The following GRID2 variants were observed in gnomAD, a reference collection of about 807,000 sequenced individuals.
GRID2 encodes glutamate ionotropic receptor delta type subunit 2, also known as glutamate receptor ionotropic, delta-2.
In GRID2, 33 loss-of-function variants were observed where a neutral mutation model predicts 114.8. The observed-to-expected ratio is 0.29, with a 90% CI of 0.22 to 0.38. The LOEUF (loss-of-function observed/expected upper bound fraction) is 0.38, where lower values mean the gene tolerates loss of function less well. Ranked by LOEUF, GRID2 falls within the 10% of genes least tolerant of loss-of-function variation. The pLI is 1.00. For synonymous variants in GRID2, 505 were observed against 449.9 expected (o/e 1.12, Z -1.55); for missense variants, 1,184 against 1,257.7 (o/e 0.94, Z 0.89).
chr4:92,746,637 C>G (rs1450652833), intron 2 of GRID2, among the ~76,000 whole-genome samples: 2 of 152,088 alleles, frequency 1.3e-5, no homozygotes, highest in Non-Finnish European at 2.9e-5. Flanking sequence ...TTCATGTCAT[C>G]TCTTTACGTA....
chr4:92,758,753 T>A (rs1043824787), intron 2 of GRID2, among the ~76,000 whole-genome samples: 4 of 152,158 alleles, frequency 2.6e-5, no homozygotes, highest in Non-Finnish European at 5.9e-5. Context: ...TGTTTGTTTG[T>A]TTTACATTTT....
At chr4:92,310,160 G>T (rs1429008277) in intron 1 of GRID2, among the ~76,000 whole-genome samples, 2 of 151,900 alleles carry the variant, frequency 1.3e-5, no homozygotes, top group Admixed American at 6.6e-5. Context: ...ATCACTACAA[G>T]TACCACAATT....
intron 12 of GRID2, among the ~76,000 whole-genome samples, chr4:93,511,838 G>A (rs1371999811): frequency 1.3e-5 from 2 of 149,102 alleles, no homozygotes. Context: ...AGGCTAGAGT[G>A]CAATGGTGCA....
At position 92,350,587 on chromosome 4, in the gene GRID2, C is replaced by T. The variant is rs545464946; in HGVS notation, c.88+45843C>T. On this transcript the variant is annotated intron_variant, in intron 1 of 15. Coordinates refer to ENST00000282020, the MANE Select transcript of GRID2 (RefSeq NM_001510.4). ...CTGTTACTTTTTATTTGTTTGTTGACGTTTAAAATTTCCTTCCTTCTTCCC... is the reference window on the plus strand; with the variant it reads ...CTGTTACTTTTTATTTGTTTGTTGATGTTTAAAATTTCCTTCCTTCTTCCC... 4.0e-5 allele frequency among the ~76,000 whole-genome samples: 6 copies of T among 151,672 alleles called. No individual in the cohort carries two copies. The South Asian group carries it at 6.2e-4, about 16-fold the overall frequency.
intron 13 of GRID2, among the ~76,000 whole-genome samples, chr4:93,565,946 G>A (rs1470621241): frequency 1.3e-5 from 2 of 152,088 alleles, no homozygotes; most frequent in Non-Finnish European, 2.9e-5. Flanking sequence ...GAAAACTTTG[G>A]TGGCTTAACC....
intron 2 of GRID2, among the ~76,000 whole-genome samples, chr4:93,027,477 C>G (rs929608178): frequency 2.0e-5 from 3 of 151,966 alleles, no homozygotes; most frequent in Non-Finnish European, 4.4e-5. Flanking sequence ...TACTAAGAAG[C>G]CTTGTATTGC....
intron 2 of GRID2, among the ~76,000 whole-genome samples, chr4:92,902,608 G>GTAT (rs1305515542): frequency 1.3e-5 from 2 of 151,980 alleles, no homozygotes; most frequent in Non-Finnish European, 2.9e-5. Flanking sequence ...TTCTTTTCTA[G>GTAT]TATTTTTATA....
chr4:92,891,743 C>T (rs1030735357), intron 2 of GRID2, among the ~76,000 whole-genome samples: 1 of 152,092 alleles, frequency 6.6e-6, no homozygotes, highest in African/African-American at 2.4e-5. Flanking sequence ...ATTGTTACAT[C>T]GGCATCATAA....
At chr4:92,974,379 C>A (rs1450102742) in intron 2 of GRID2, among the ~76,000 whole-genome samples, 2 of 152,072 alleles carry the variant, frequency 1.3e-5, no homozygotes. Context: ...GATAAAGACA[C>A]ATGTACATGT....
intron 4 of GRID2, among the ~76,000 whole-genome samples, chr4:93,169,143 T>C (rs951500479): frequency 2.2e-5 from 3 of 138,106 alleles, no homozygotes; most frequent in Admixed American, 7.4e-5. Context: ...CACAATGAAA[T>C]ACACACACAC....
At chr4:92,471,307 C>G (rs1177558150) in intron 1 of GRID2, among the ~76,000 whole-genome samples, 1 of 152,020 alleles carries the variant, frequency 6.6e-6, no homozygotes, top group Non-Finnish European at 1.5e-5. Context: ...AATACTAATA[C>G]TATATAATGT....
chr4:93,713,558 G>A (rs763002338), intron 14 of GRID2, among the ~76,000 whole-genome samples: 3 of 151,794 alleles, frequency 2.0e-5, no homozygotes, highest in Admixed American at 2.0e-4. Context: ...TGCACTGATT[G>A]CGCTTATATT....
chr4:92,916,149 A>T (rs556236332), intron 2 of GRID2, among the ~76,000 whole-genome samples: 1 of 152,048 alleles, frequency 6.6e-6, no homozygotes, highest in Non-Finnish European at 1.5e-5. Context: ...TCCTGTGCCT[A>T]TGTCCTAAAT....
chr4:93,387,391 A>G (rs1160732094), intron 8 of GRID2, among the ~76,000 whole-genome samples: 3 of 152,112 alleles, frequency 2.0e-5, no homozygotes, highest in African/African-American at 4.8e-5. Context: ...GGTCTTTACT[A>G]TACAGAGTTT....
chr4:92,429,094 G>T (rs965593983), intron 1 of GRID2, among the ~76,000 whole-genome samples: 2 of 152,024 alleles, frequency 1.3e-5, no homozygotes, highest in African/African-American at 4.8e-5. Context: ...TCCCACTTAT[G>T]AATGAGAACA....
chr4:92,511,518 A>C (rs1403914885), intron 1 of GRID2, among the ~76,000 whole-genome samples: 1 of 151,886 alleles, frequency 6.6e-6, no homozygotes, highest in Non-Finnish European at 1.5e-5. Flanking sequence ...CTAAACTATA[A>C]ATACAAACTG....
At chr4:92,928,914 C>G (rs1247116093) in intron 2 of GRID2, among the ~76,000 whole-genome samples, 1 of 151,268 alleles carries the variant, frequency 6.6e-6, no homozygotes, top group Non-Finnish European at 1.5e-5. Context: ...TTTTTGATTT[C>G]CCCATCTAGT....
chr4:92,464,081 C>A (rs145538151), intron 1 of GRID2, among the ~76,000 whole-genome samples: 1 of 151,956 alleles, frequency 6.6e-6, no homozygotes, highest in African/African-American at 2.4e-5. Flanking sequence ...ATACCCTTTT[C>A]TAAATTGTAG....
intron 4 of GRID2, among the ~76,000 whole-genome samples, chr4:93,116,802 A>C (rs1345710909): frequency 6.6e-6 from 1 of 151,828 alleles, no homozygotes; most frequent in Non-Finnish European, 1.5e-5. Flanking sequence ...AGCTGTGTAG[A>C]GGCAAGAGTT....
Sources: allele counts gnomAD v4.1 joint callset (sites outside exome capture counted in the v4.1 genomes callset), GRCh38; gene constraint gnomAD v4.1.1; transcripts MANE v1.5; gene names NCBI Gene and HGNC (gene_info 2026-07-23, HGNC 2026-07-21).